The following CHM variants were observed in gnomAD, a reference collection of about 807,000 sequenced individuals.
The protein encoded by CHM is CHM Rab escort protein, also known as rab proteins geranylgeranyltransferase component A 1.
Under a neutral mutation model 49.0 loss-of-function variants are expected in CHM, and 10 were observed. That is an observed-to-expected ratio of 0.20 (90% CI 0.13 to 0.35). The LOEUF (loss-of-function observed/expected upper bound fraction) is 0.35. CHM is among the 10% of genes least tolerant of loss of function. The pLI is 1.00. For missense variants in CHM, 455 were observed against 478.4 expected, an observed-to-expected ratio of 0.95 and a Z score of 0.46; for synonymous variants, 184 against 167.5, an observed-to-expected ratio of 1.10 and a Z score of -0.76.
At chrX:86,034,170 T>C (rs1347980339) in intron 1 of CHM, among the ~76,000 whole-genome samples, 5 of 111,527 alleles carry the variant, frequency 4.5e-5, no homozygotes, top group African/African-American at 1.6e-4. Context: ...TTAGATAAAA[T>C]AAAGGGCTTG....
At chrX:86,043,409 CT>C (rs374685830) in intron 1 of CHM, among the ~76,000 whole-genome samples, 3,078 of 100,459 alleles carry the variant, frequency 0.031, 49 homozygotes, top group Admixed American at 0.062. Context: ...AGCAATAAAA[CT>C]TTTTTTTTTT....
chrX:85,897,077 A>AC (rs1229006165), intron 11 of CHM, among the ~76,000 whole-genome samples: 3 of 88,746 alleles, frequency 3.4e-5, no homozygotes, highest in Admixed American at 1.4e-4. Context: ...ATTATATATT[A>AC]ATTACATAAT....
At chrX:85,876,324 CAT>C (rs1038325439) in intron 13 of CHM, among the ~76,000 whole-genome samples, 24 of 111,414 alleles carry the variant, frequency 2.2e-4, no homozygotes, top group African/African-American at 7.2e-4. Context: ...TCCTTTGGTA[CAT>C]GTTTTAAACT....
At chrX:85,942,768 A>T (rs1027267864) in intron 8 of CHM, among the ~76,000 whole-genome samples, 18 of 105,984 alleles carry the variant, frequency 1.7e-4, no homozygotes, top group Non-Finnish European at 3.3e-4. Flanking sequence ...TTTTTTTTTT[A>T]TATATATATA....
At position 85,862,035 on chromosome X, in the gene CHM, A is replaced by T. The variant is rs1273705804; in HGVS notation, c.*2595T>A. Reference sequence around the variant, plus strand: ...AATAATTTCTGTTACATTTTGAGGCAACAGGAAATATATAAAGTTCTTAAA... The same window carrying T: ...AATAATTTCTGTTACATTTTGAGGCTACAGGAAATATATAAAGTTCTTAAA... On this transcript the variant is annotated 3_prime_UTR_variant, in exon 15 of 15. Transcript: ENST00000357749. The T allele has an allele frequency of 5.3e-5, 6 of 112,424 alleles. No homozygotes were observed. 9.3% of individuals were successfully genotyped at this position (112,424 alleles called of 1,213,427 possible). A position where few individuals can be genotyped will look rare whatever the true frequency, so the allele number is the denominator to read the frequency against.
At chrX:85,875,830 C>CATCAA (rs764767403) in intron 13 of CHM, among the ~76,000 whole-genome samples, 2 of 111,576 alleles carry the variant, frequency 1.8e-5, no homozygotes, top group East Asian at 5.6e-4. Context: ...CATCAAAAGG[C>CATCAA]TCCTTGAATT....
At chrX:86,009,224 T>C (rs1251677902) in intron 2 of CHM, among the ~76,000 whole-genome samples, 1 of 112,481 alleles carries the variant, frequency 8.9e-6, no homozygotes, top group Non-Finnish European at 1.9e-5. Flanking sequence ...AAAGGGTTAA[T>C]TTATTTATTG....
At chrX:86,037,790 G>A (rs1156803510) in intron 1 of CHM, among the ~76,000 whole-genome samples, 1 of 110,142 alleles carries the variant, frequency 9.1e-6, no homozygotes, top group Non-Finnish European at 1.9e-5. Flanking sequence ...TAATGAGCGG[G>A]ACCTTGGACC....
intron 14 of CHM, among the ~76,000 whole-genome samples, chrX:85,868,726 C>T (rs1282368935): frequency 4.5e-5 from 5 of 111,362 alleles, no homozygotes; most frequent in Admixed American, 2.9e-4. Flanking sequence ...CCATATAATC[C>T]ATCTCCATGC....
At chrX:85,978,610 C>T in intron 4 of CHM, 157 bp downstream of exon 4, 1 of 438,544 alleles carries the variant, frequency 2.3e-6, no homozygotes, top group South Asian at 3.1e-5. Flanking sequence ...ATTACCTAAA[C>T]AGAGACAACT....
At chrX:85,932,135 G>T (rs11092732) in intron 8 of CHM, among the ~76,000 whole-genome samples, 23,053 of 111,205 alleles carry the variant, frequency 0.21, 2,034 homozygotes, top group East Asian at 0.53. Flanking sequence ...CTTCCAGGGG[G>T]AGCAAACTGC....
chrX:85,942,458 T>C (rs946896145), intron 8 of CHM, among the ~76,000 whole-genome samples: 5 of 111,793 alleles, frequency 4.5e-5, no homozygotes, highest in African/African-American at 1.6e-4. Context: ...GATGAAACTA[T>C]GGACTTCTTT....
At chrX:85,866,724 C>G (rs775431702) in intron 14 of CHM, among the ~76,000 whole-genome samples, 1 of 113,077 alleles carries the variant, frequency 8.8e-6, no homozygotes, top group South Asian at 3.6e-4. Context: ...GAGCCTAGCC[C>G]TTGTATCAGC....
intron 4 of CHM, among the ~76,000 whole-genome samples, chrX:85,976,931 G>A (rs1304672021): frequency 1.8e-5 from 2 of 109,630 alleles, no homozygotes; most frequent in Non-Finnish European, 3.8e-5. Flanking sequence ...AAATGAGGTT[G>A]TCAGAAATAT....
chrX:86,006,830 C>G (rs1440004405), intron 2 of CHM, among the ~76,000 whole-genome samples: 1 of 111,912 alleles, frequency 8.9e-6, no homozygotes, highest in Non-Finnish European at 1.9e-5. Flanking sequence ...AATGGCCATA[C>G]TGCCCAAGGT....
intron 8 of CHM, among the ~76,000 whole-genome samples, chrX:85,926,637 A>G (rs1928099243): frequency 9.0e-6 from 1 of 111,515 alleles, no homozygotes; most frequent in Admixed American, 9.5e-5. Flanking sequence ...AAAAATATAT[A>G]TATTTCAATG....
intron 12 of CHM, among the ~76,000 whole-genome samples, chrX:85,893,066 G>A (rs1004688474): frequency 7.2e-5 from 8 of 111,362 alleles, no homozygotes; most frequent in African/African-American, 2.6e-4. Flanking sequence ...AATCTCCTAT[G>A]GTAAGGGAAT....
At chrX:85,870,519 C>T (rs1481854159) in intron 14 of CHM, among the ~76,000 whole-genome samples, 1 of 111,743 alleles carries the variant, frequency 8.9e-6, no homozygotes, top group Non-Finnish European at 1.9e-5. Context: ...TCATTTTATA[C>T]TTGAAGTAAA....
At chrX:85,988,675 C>T (rs757383341) in intron 2 of CHM, among the ~76,000 whole-genome samples, 1 of 111,546 alleles carries the variant, frequency 9.0e-6, no homozygotes. Context: ...AACCAATGTT[C>T]AAAAATCCCT....
Sources: gnomAD v4.1 joint callset for allele counts (sites outside exome capture counted in the v4.1 genomes callset) on GRCh38, gnomAD v4.1.1 for gene constraint, MANE v1.5 for transcripts, NCBI Gene and HGNC (gene_info 2026-07-23, HGNC 2026-07-21) for gene names.